Variants in TMED3 observed in about 807,000 individuals in gnomAD.
TMED3 encodes transmembrane emp24 domain-containing protein 3.
TMED3 carries 9 observed loss-of-function variants against 15.0 expected under a neutral mutation model. The ratio of observed to expected loss-of-function variants is 0.60; its 90% CI spans 0.36 to 1.04. The LOEUF (loss-of-function observed/expected upper bound fraction) is 1.04, where lower values mean the gene tolerates loss of function less well. TMED3 is among the 50% of genes least tolerant of loss of function. TMED3 has a pLI of 0.01. For synonymous variants in TMED3, 117 were observed against 121.4 expected (o/e 0.96, Z 0.24); for missense variants, 267 against 278.9 (o/e 0.96, Z 0.30).
downstream of TMED3, among the ~76,000 whole-genome samples, chr15:79,323,919 A>T (rs988205667): frequency 1.3e-5 from 2 of 152,274 alleles, no homozygotes; most frequent in African/African-American, 4.8e-5. Flanking sequence ...AATAAAATGT[A>T]CTGCTTATGC....
chr15:79,362,622 T>A (rs1453500745), intron 2 of TMED3, among the ~76,000 whole-genome samples: 1 of 152,162 alleles, frequency 6.6e-6, no homozygotes, highest in Non-Finnish European at 1.5e-5. Context: ...GGGAGGGACC[T>A]GGTTGGAGGT....
rs1246891987 is a variant in TMED3 at position 79,344,321 on chromosome 15, A to G, written c.417+30316A>G. 5.9e-5 allele frequency among the ~76,000 whole-genome samples: 9 copies of G among 152,302 alleles called. 1 individual carries two copies. In the South Asian group the frequency reaches 1.0e-3, roughly 18 times the overall value. ...CTGTAACAAATGACCACAAACTGGG[A>G]AGCTTAAAACAACATAATTTTTTCC... On this transcript the variant is annotated intron_variant, in intron 2 of 2. Transcript: ENST00000424155.
At chr15:79,321,710 G>A (rs1323515246) in intron 2 of TMED3, among the ~76,000 whole-genome samples, 2 of 152,134 alleles carry the variant, frequency 1.3e-5, no homozygotes, top group African/African-American at 4.8e-5. Flanking sequence ...AGAGAGTATA[G>A]GGCAGTGCTT....
At chr15:79,332,505 T>C (rs550535001) in intron 2 of TMED3, among the ~76,000 whole-genome samples, 23 of 152,226 alleles carry the variant, frequency 1.5e-4, no homozygotes, top group Non-Finnish European at 2.1e-4. Context: ...CTAAGACATG[T>C]TAAAGACTTG....
intron 2 of TMED3, among the ~76,000 whole-genome samples, chr15:79,365,563 G>C (rs1399202545): frequency 6.6e-6 from 1 of 152,188 alleles, no homozygotes; most frequent in Admixed American, 6.5e-5. Flanking sequence ...AGGAGGGTAT[G>C]GTCACATTAC....
intron 2 of TMED3, among the ~76,000 whole-genome samples, chr15:79,380,260 A>T (rs1290510477): frequency 2.6e-5 from 4 of 151,892 alleles, no homozygotes; most frequent in Admixed American, 2.6e-4. Context: ...CTGAGGCAGG[A>T]GAATCGCTTG....
At chr15:79,368,700 A>AT (rs1211069243) in intron 2 of TMED3, among the ~76,000 whole-genome samples, 1 of 152,156 alleles carries the variant, frequency 6.6e-6, no homozygotes, top group Non-Finnish European at 1.5e-5. Flanking sequence ...GAGCACCTCC[A>AT]TTTTTTTAAG....
intron 1 of TMED3, among the ~76,000 whole-genome samples, chr15:79,313,494 A>T (rs971416808): frequency 1.3e-5 from 2 of 152,236 alleles, no homozygotes; most frequent in African/African-American, 4.8e-5. Context: ...GATTAGGCTC[A>T]TTGAAACCCT....
intron 2 of TMED3, among the ~76,000 whole-genome samples, chr15:79,381,156 A>T (rs965832622): frequency 1.3e-5 from 2 of 152,114 alleles, no homozygotes; most frequent in Admixed American, 1.3e-4. Flanking sequence ...TTTTTAGTGC[A>T]ATTTGATGCT....
intron 2 of TMED3, among the ~76,000 whole-genome samples, chr15:79,373,204 G>A (rs1893372350): frequency 6.6e-6 from 1 of 152,198 alleles, no homozygotes; most frequent in South Asian, 2.1e-4. Context: ...ACCAGTCATA[G>A]GCTGTTATCT....
intron 2 of TMED3, among the ~76,000 whole-genome samples, chr15:79,399,458 G>T (rs1372218024): frequency 6.6e-6 from 1 of 152,142 alleles, no homozygotes; most frequent in Non-Finnish European, 1.5e-5. Context: ...AAAGAAAGGA[G>T]AAACTGAGGC....
In TMED3 at chr15:79,360,944, G is replaced by A. The variant is rs150047767; in HGVS notation, c.417+46939G>A. On this transcript the variant is annotated intron_variant, in intron 2 of 2. Transcript: ENST00000424155. ...AACTACTGCAGCCTTGAACTCTTGG[G>A]TTCAAATGATCTGCCTGCCTCAGCC... 2.2e-4 allele frequency among the ~76,000 whole-genome samples: 33 copies of A among 152,236 alleles called. No individual in the cohort carries two copies. The East Asian group carries it at 5.8e-3, about 27-fold the overall frequency.
chr15:79,313,607 A>C, intron 1 of TMED3, 150 bp from the exon 2 acceptor site: 1 of 1,042,690 alleles, frequency 9.6e-7, no homozygotes, highest in Non-Finnish European at 1.4e-6. Context: ...GCTCAGCCTT[A>C]GTAAAATGAG....
chr15:79,311,372 C>T lies in TMED3; in HGVS notation c.123C>T (p.Phe41=), dbSNP rs1268585151. ...TGCCGGACAACGCCAAGCAGTGCTT[C>T]CACGAGGAGGTGGAGCAGGGCGTGA... ...FELPDNAKQC[F]HEEVEQGVKF... Residue 41 remains phenylalanine, a synonymous_variant, in exon 1 of 3, where the codon TTC becomes TTT. Coordinates refer to ENST00000299705, the MANE Select transcript of TMED3 (RefSeq NM_007364.4). The T allele has an allele frequency of 3.7e-6, 6 of 1,612,234 alleles. No individual in the cohort carries two copies. Among genetic ancestry groups the T allele is most frequent in the Non-Finnish European group, 5.1e-6 (6 of 1,179,506 alleles).
At chr15:79,358,144 C>G (rs1349392375) in intron 2 of TMED3, among the ~76,000 whole-genome samples, 1 of 152,198 alleles carries the variant, frequency 6.6e-6, no homozygotes, top group Non-Finnish European at 1.5e-5. Context: ...TACTCGTTGT[C>G]TTCCATCAGA....
At chr15:79,321,552 C>T (rs2058766815) in intron 2 of TMED3, among the ~76,000 whole-genome samples, 1 of 152,226 alleles carries the variant, frequency 6.6e-6, no homozygotes, top group African/African-American at 2.4e-5. Flanking sequence ...TGGTCTAGTT[C>T]ACACTTTGCT....
intron 2 of TMED3, among the ~76,000 whole-genome samples, chr15:79,328,214 TAGG>T (rs1567024725): frequency 6.6e-6 from 1 of 152,134 alleles, no homozygotes; most frequent in African/African-American, 2.4e-5. Context: ...TTGTATGATA[TAGG>T]AGGAAGAAAA....
At chr15:79,312,134 G>C (rs901735947) in intron 1 of TMED3, among the ~76,000 whole-genome samples, 1 of 152,218 alleles carries the variant, frequency 6.6e-6, no homozygotes, top group Non-Finnish European at 1.5e-5. Context: ...TGGGGGCCAA[G>C]TGGGCATCAT....
intron 2 of TMED3, among the ~76,000 whole-genome samples, chr15:79,364,427 G>A (rs755243701): frequency 6.6e-6 from 1 of 151,926 alleles, no homozygotes; most frequent in Non-Finnish European, 1.5e-5. Context: ...CTTTTGATAC[G>A]GATAGGAGAC....
Sources: allele counts gnomAD v4.1 joint callset (sites outside exome capture counted in the v4.1 genomes callset), GRCh38; gene constraint gnomAD v4.1.1; transcripts MANE v1.5; gene names NCBI Gene and HGNC (gene_info 2026-07-23, HGNC 2026-07-21).